The following ADAP1 variants were observed in gnomAD, a reference collection of about 807,000 sequenced individuals.
ADAP1 encodes ArfGAP with dual PH domains 1.
A neutral mutation model predicts 54.9 loss-of-function variants in ADAP1; 31 were observed. The ratio of observed to expected loss-of-function variants is 0.56; its 90% CI spans 0.42 to 0.76. The LOEUF (loss-of-function observed/expected upper bound fraction) is 0.76. Among genes scored for constraint, ADAP1 ranks in the 30% least tolerant of loss-of-function variants. The probability of loss-of-function intolerance (pLI) is 0.00; values close to 1 mark genes in which losing one functional copy is unlikely to be tolerated. For missense variants in ADAP1, 535 were observed against 512.4 expected (o/e 1.04, Z -0.42); for synonymous variants, 313 against 202.6 (o/e 1.55, Z -4.63).
At position 926,711 on chromosome 7, in the gene ADAP1, C is replaced by T. The variant is rs1846402365; in HGVS notation, c.214-67G>A. 3.0e-6 allele frequency: 4 copies of T among 1,316,692 alleles called. No homozygotes were observed. Among genetic ancestry groups the T allele is most frequent in the African/African-American group, 3.1e-5 (2 of 65,174 alleles). 81.6% of individuals were successfully genotyped at this position (1,316,692 alleles called of 1,614,324 possible). A position where few individuals can be genotyped will look rare whatever the true frequency, so the allele number is the denominator to read the frequency against. ...GGGGCAGCCTAGGAGGTGCCAGCTGCCCTTGGGGCCGTCACCACAGTGACC... is the reference window on the plus strand; with the variant it reads ...GGGGCAGCCTAGGAGGTGCCAGCTGTCCTTGGGGCCGTCACCACAGTGACC... On this transcript the variant is annotated intron_variant, in intron 2 of 10. Transcript: ENST00000265846. This position sits in a 1 kb window ranked among gnomAD's most constrained non-coding sequence, Gnocchi z 4.6.
Position 926,829 on chromosome 7 carries a change from T to G in ADAP1, c.214-185A>C. ...GACACCATTTCTGAGTGATCGACCC[T>G]CCCCTGGGACAGGGAAGGAGCCAGC... is the stretch of plus-strand genomic sequence containing the variant. On this transcript the variant is annotated intron_variant, in intron 2 of 10. Coordinates refer to ENST00000265846, the MANE Select transcript of ADAP1 (RefSeq NM_006869.4). The surrounding 1 kb of genome is among the most constrained non-coding windows in gnomAD (Gnocchi z 4.6). 2.5e-5 allele frequency: 18 copies of G among 731,992 alleles called. No homozygotes were observed. The highest frequency in any genetic ancestry group is 3.5e-5 in the Admixed American group (1 of 28,726). 45.3% of individuals were successfully genotyped at this position (731,992 alleles called of 1,614,324 possible).
intron 6 of ADAP1, 78 bp from the exon 7 acceptor site, chr7:900,694 A>ACAGAGGGGCTGGGGTCCCCC: frequency 7.6e-7 from 1 of 1,313,836 alleles, no homozygotes; most frequent in Non-Finnish European, 1.1e-6. Flanking sequence ...TGGGGTCCCC[A>ACAGAGGGGCTGGGGTCCCCC]CAGAGGGGCC....
At position 920,831 on chromosome 7, in the gene ADAP1, C is replaced by T. The variant is rs1846166097; in HGVS notation, c.306-781G>A. 6.5e-7 allele frequency: 1 copy of T among 1,550,202 alleles called. No individual in the cohort carries two copies. Among genetic ancestry groups the T allele is most frequent in the African/African-American group, 1.4e-5 (1 of 73,144 alleles). On this transcript the variant is annotated intron_variant, in intron 3 of 10. Coordinates refer to ENST00000265846, the MANE Select transcript of ADAP1 (RefSeq NM_006869.4). This position sits in a 1 kb window ranked among gnomAD's most constrained non-coding sequence, Gnocchi z 4.5. ...CAGAAACCACGACCCACACACAGGCCCGGCACGGCCCAGGTGCACAGGCAG... is the reference window on the plus strand; with the variant it reads ...CAGAAACCACGACCCACACACAGGCTCGGCACGGCCCAGGTGCACAGGCAG...
intron 4 of ADAP1, among the ~76,000 whole-genome samples, chr7:917,268 G>A (rs1353969590): frequency 8.7e-4 from 22 of 25,344 alleles, no homozygotes; most frequent in South Asian, 5.8e-3. Flanking sequence ...CGGGAGGGGG[G>A]CGCAGTGCCA....
At chr7:903,028 G>A (rs992544453) in intron 6 of ADAP1, among the ~76,000 whole-genome samples, 7 of 152,258 alleles carry the variant, frequency 4.6e-5, no homozygotes, top group East Asian at 3.9e-4. Context: ...CGTAGGACCC[G>A]GGCAGCAGGG....
intron 4 of ADAP1, among the ~76,000 whole-genome samples, chr7:916,703 A>G (rs10951113): frequency 0.8 from 122,074 of 152,094 alleles, 49,135 homozygotes; most frequent in East Asian, 0.95. Context: ...CTGTCTGGGT[A>G]GACAGTAATT....
chr7:952,230 C>T (rs529863157), intron 1 of ADAP1, among the ~76,000 whole-genome samples: 4 of 152,272 alleles, frequency 2.6e-5, no homozygotes, highest in East Asian at 3.9e-4. Flanking sequence ...CTGTGGGGGC[C>T]GCAGAGACCC....
intron 1 of ADAP1, among the ~76,000 whole-genome samples, chr7:942,571 G>T (rs1846980591): frequency 2.2e-5 from 2 of 90,452 alleles, no homozygotes; most frequent in Non-Finnish European, 5.2e-5. Flanking sequence ...GAAGAGAGGA[G>T]GAGGAAGGGA....
Position 922,802 on chromosome 7 carries a change from GC to G in ADAP1, c.306-2753del, listed in dbSNP as rs545194488. 6.2e-3 allele frequency among the ~76,000 whole-genome samples: 929 copies of G among 150,470 alleles called. 10 individuals are homozygous for G. The highest frequency in any genetic ancestry group is 0.031 in the Middle Eastern group (9 of 286). ...GGAAAATAGCCCGGGTGGTGTTCACGCCCCCGCCCACACCCCCGCCCACGCA... is the reference window on the plus strand; with the variant it reads ...GGAAAATAGCCCGGGTGGTGTTCACGCCCCGCCCACACCCCCGCCCACGCA... On this transcript the variant is annotated intron_variant, in intron 3 of 10. Transcript: ENST00000265846.
chr7:918,297 G>C (rs1846016754), intron 4 of ADAP1, among the ~76,000 whole-genome samples: 1 of 152,180 alleles, frequency 6.6e-6, no homozygotes, highest in Admixed American at 6.5e-5. Context: ...GCTCACCGTA[G>C]CCTCAAACTC....
chr7:899,178 C>A lies in ADAP1; in HGVS notation c.951G>T (p.Gln317His). ...TGATGCCATGTGGCCAGTGGTGGCC[C>A]TGGGTGGACGGCGGGAACCCATGCA... Reference protein sequence around the residue: ...TVLHGFPPSTQGHHWPHGITI... With the variant: ...TVLHGFPPSTHGHHWPHGITI... The change falls in exon 10 of 11, where the codon CAG becomes CAT. Residue 317 changes from glutamine to histidine, a missense_variant. Gln to His is a conservative substitution (Grantham distance 24). Transcript: ENST00000265846. The A allele has an allele frequency of 1.2e-6, 2 of 1,612,266 alleles. No homozygotes were observed. Among genetic ancestry groups the A allele is most frequent in the Non-Finnish European group, 1.7e-6 (2 of 1,179,966 alleles).
intron 2 of ADAP1, among the ~76,000 whole-genome samples, chr7:928,115 G>T (rs528735824): frequency 6.6e-6 from 1 of 152,052 alleles, no homozygotes; most frequent in Admixed American, 6.5e-5. Flanking sequence ...AGCTACTAGG[G>T]AGGCCGAGGT....
chr7:955,241 G>A (rs1847357573), upstream of ADAP1: 4 of 1,518,838 alleles, frequency 2.6e-6, no homozygotes, highest in Admixed American at 2.0e-5. Flanking sequence ...GGGCCCCGCC[G>A]GGACTTCACA....
chr7:954,131 G>A (rs1480246511), intron 1 of ADAP1, among the ~76,000 whole-genome samples: 2 of 152,066 alleles, frequency 1.3e-5, no homozygotes, highest in Non-Finnish European at 2.9e-5. Context: ...GCCCGGCGGG[G>A]GAGGGGAGGC....
rs1847132070 is a variant in ADAP1 at position 946,143 on chromosome 7, C to A, written c.82+8253G>T. On this transcript the variant is annotated intron_variant, in intron 1 of 10. Coordinates refer to ENST00000265846, the MANE Select transcript of ADAP1 (RefSeq NM_006869.4). The surrounding 1 kb of genome is among the most constrained non-coding windows in gnomAD (Gnocchi z 4.3). ...GGCATGCATGGCTGTCCCCCAGGCA[C>A]ACAGCGCCCCACTCCACGCCGGGAC... Among the ~76,000 whole-genome samples the A allele has an allele frequency of 1.3e-5, 2 of 152,332 alleles. No individual in the cohort carries two copies. Among genetic ancestry groups the A allele is most frequent in the South Asian group, 4.1e-4 (2 of 4,834 alleles).
rs543699471 is a variant in ADAP1, at chr7:925,744, G to A, written c.305+809C>T. 3.7e-3 allele frequency among the ~76,000 whole-genome samples: 564 copies of A among 152,368 alleles called. 1 individual carries two copies. Among genetic ancestry groups the A allele is most frequent in the Non-Finnish European group, 5.6e-3 (378 of 68,028 alleles). ...GGCCAGGCGCCCGCCGCTTTCCTGCGGCACTGTTGGCTCACACCCAAACCC... is the reference window on the plus strand; with the variant it reads ...GGCCAGGCGCCCGCCGCTTTCCTGCAGCACTGTTGGCTCACACCCAAACCC... On this transcript the variant is annotated intron_variant, in intron 3 of 10. Transcript: ENST00000265846.
chr7:898,807 C>T lies in ADAP1; in HGVS notation c.*114G>A, dbSNP rs1844631619. The T allele has an allele frequency of 1.4e-6, 2 of 1,444,764 alleles. No individual in the cohort carries two copies. Among genetic ancestry groups the T allele is most frequent in the Admixed American group, 2.0e-5 (1 of 50,686 alleles). The allele number at this position is 1,444,764 out of a possible 1,614,324, so 89.5% of individuals were successfully genotyped here. A position where few individuals can be genotyped will look rare whatever the true frequency, so the allele number is the denominator to read the frequency against. The stretch of plus-strand genomic sequence containing the variant: ...GGCCCTACCTGGCCGCGCCGGGCTG[C>T]CCTGAGGAGCAGGTGGGGCCAGGTG... On this transcript the variant is annotated 3_prime_UTR_variant, in exon 11 of 11. Coordinates refer to ENST00000265846, the MANE Select transcript of ADAP1 (RefSeq NM_006869.4).
At chr7:943,917 C>CTAT (rs536941195) in intron 1 of ADAP1, among the ~76,000 whole-genome samples, 11 of 151,318 alleles carry the variant, frequency 7.3e-5, no homozygotes, top group East Asian at 1.9e-4. Flanking sequence ...AGAATTATTA[C>CTAT]TATTATTATT....
intron 6 of ADAP1, among the ~76,000 whole-genome samples, chr7:902,475 AG>A (rs1844870236): frequency 3.3e-3 from 470 of 141,896 alleles, no homozygotes; most frequent in Non-Finnish European, 4.1e-3. Flanking sequence ...AAAAAAAGAA[AG>A]AAAAGAAAGA....
Sources: allele counts gnomAD v4.1 joint callset (sites outside exome capture counted in the v4.1 genomes callset), GRCh38; gene constraint gnomAD v4.1.1; non-coding constraint Gnocchi (gnomAD v3.1); transcripts MANE v1.5; gene names NCBI Gene and HGNC (gene_info 2026-07-23, HGNC 2026-07-21).